Variants in SCUBE1 observed in about 807,000 individuals in gnomAD.
SCUBE1 encodes signal peptide, CUB domain and EGF like domain containing 1.
In SCUBE1, 59 loss-of-function variants were observed where a neutral mutation model predicts 124.4. That is an observed-to-expected ratio of 0.47 (90% CI 0.38 to 0.59). The LOEUF (loss-of-function observed/expected upper bound fraction) is 0.59, where lower values mean the gene tolerates loss of function less well. Among genes scored for constraint, SCUBE1 ranks in the 20% least tolerant of loss-of-function variants. The pLI is 0.00. For synonymous variants in SCUBE1, 545 were observed against 550.9 expected (o/e 0.99, Z 0.15); for missense variants, 1,150 against 1,371.2 (o/e 0.84, Z 2.55).
chr22:43,339,640 C>G lies in SCUBE1; in HGVS notation c.89-405G>C, dbSNP rs1211272798. ...CCCCTACTCTCCTTACTCTATCCCC[C>G]CACAAGCATCACTCCAGCCCTCCCC... On this transcript the variant is annotated intron_variant, in intron 1 of 21. Transcript: ENST00000360835. 2.2e-5 allele frequency among the ~76,000 whole-genome samples: 3 copies of G among 135,970 alleles called. No homozygotes were observed. The East Asian group carries it at 6.4e-4, about 29-fold the overall frequency. The allele number at this position is 135,970 out of a possible 152,430, so 89.2% of individuals were successfully genotyped here.
chr22:43,338,564 C>T (rs559418447), intron 2 of SCUBE1, among the ~76,000 whole-genome samples: 5 of 152,132 alleles, frequency 3.3e-5, no homozygotes, highest in South Asian at 4.1e-4. Flanking sequence ...CTTGCTCTGT[C>T]GCCCAAGCTG....
At chr22:43,311,586 A>T (rs867783553) in intron 3 of SCUBE1, among the ~76,000 whole-genome samples, 6 of 143,502 alleles carry the variant, frequency 4.2e-5, no homozygotes, top group Non-Finnish European at 7.7e-5. Flanking sequence ...AAATCTGGCT[A>T]TTTTTTTTTT....
At chr22:43,264,728 G>A (rs942435377) in intron 4 of SCUBE1, among the ~76,000 whole-genome samples, 1 of 152,296 alleles carries the variant, frequency 6.6e-6, no homozygotes, top group Non-Finnish European at 1.5e-5. Context: ...CACACTCCAC[G>A]GTTCGCCATC....
Position 43,201,756 on chromosome 22 carries a change from T to C in SCUBE1, c.*2241A>G, listed in dbSNP as rs985716126. On this transcript the variant is annotated 3_prime_UTR_variant, in exon 22 of 22. Coordinates refer to ENST00000360835, the MANE Select transcript of SCUBE1 (RefSeq NM_173050.5). ...TCCAGAATCTGTGAGCCAGTTCCCA[T>C]AATGCAGCCCCTCACACATCTACGT... The C allele has an allele frequency of 2.0e-5, 3 of 152,182 alleles. No homozygotes were observed. Among genetic ancestry groups the C allele is most frequent in the African/African-American group, 7.2e-5 (3 of 41,428 alleles). 9.4% of individuals were successfully genotyped at this position (152,182 alleles called of 1,614,324 possible). A position where few individuals can be genotyped will look rare whatever the true frequency, so the allele number is the denominator to read the frequency against.
At chr22:43,321,221 C>T (rs1307479545) in intron 2 of SCUBE1, among the ~76,000 whole-genome samples, 1 of 152,218 alleles carries the variant, frequency 6.6e-6, no homozygotes, top group Non-Finnish European at 1.5e-5. Flanking sequence ...GGCTGGGTTC[C>T]AGCTACGAAA....
chr22:43,293,743 T>C (rs891651053), intron 3 of SCUBE1, among the ~76,000 whole-genome samples: 3 of 152,244 alleles, frequency 2.0e-5, no homozygotes, highest in Non-Finnish European at 4.4e-5. Context: ...CTTCTCATGG[T>C]TCTCAGATTC....
rs1340401031 is a variant in SCUBE1, at chr22:43,201,264, A to C, written c.*2733T>G. 2.3e-5 allele frequency: 3 copies of C among 132,134 alleles called. No homozygotes were observed. The highest frequency in any genetic ancestry group is 8.5e-5 in the African/African-American group (3 of 35,266). 8.2% of individuals were successfully genotyped at this position (132,134 alleles called of 1,614,324 possible). A position where few individuals can be genotyped will look rare whatever the true frequency, so the allele number is the denominator to read the frequency against. ...GCTTGCAGTGAACCAAGATCGCGCC[A>C]CTGCACTCCAGCCTGGGTGACAGAG... On this transcript the variant is annotated 3_prime_UTR_variant, in exon 22 of 22. Transcript: ENST00000360835.
rs2085720599 is a variant in SCUBE1, at chr22:43,255,878, T to G, written c.727+2341A>C. 1.3e-5 allele frequency among the ~76,000 whole-genome samples: 2 copies of G among 149,292 alleles called. No homozygotes were observed. The highest frequency in any genetic ancestry group is 3.4e-3 in the Middle Eastern group (1 of 294). ...TGGGCAAGCAAACAGAGAAGGAGGC[T>G]GAGGTCAGGGCAGACGGGATTCGTC... is the stretch of plus-strand genomic sequence containing the variant. On this transcript the variant is annotated intron_variant, in intron 6 of 21. Transcript: ENST00000360835. The surrounding 1 kb of genome is among the most constrained non-coding windows in gnomAD (Gnocchi z 4.7).
rs559488230 is a variant in SCUBE1, at chr22:43,291,380, C to T, written c.350-200G>A. On this transcript the variant is annotated intron_variant, in intron 3 of 21. Coordinates refer to ENST00000360835, the MANE Select transcript of SCUBE1 (RefSeq NM_173050.5). ...GGCCCTGCACCATGGTGGCACTCTA[C>T]AGTGGGCCTCCATTGTGCTGTGCCA... 2.6e-5 allele frequency among the ~76,000 whole-genome samples: 4 copies of T among 152,214 alleles called. No homozygotes were observed. In the South Asian group the frequency reaches 8.3e-4, roughly 32 times the overall value.
chr22:43,198,132 T>C lies in SCUBE1; in HGVS notation c.*5865A>G, dbSNP rs138974. ...AATGGTCTTAACCCCACCATCTACA[T>C]GGGGCTGGGGGGATGGAATGTGTGG... is the stretch of plus-strand genomic sequence containing the variant. On this transcript the variant is annotated 3_prime_UTR_variant, in exon 22 of 22. Transcript: ENST00000360835. 118,620 of 184,748 alleles carry C rather than the reference T, an allele frequency of 0.64. 39,640 individuals are homozygous for C. The highest frequency in any genetic ancestry group is 0.74 in the Middle Eastern group (311 of 418). 11.4% of individuals were successfully genotyped at this position (184,748 alleles called of 1,614,324 possible). A position where few individuals can be genotyped will look rare whatever the true frequency, so the allele number is the denominator to read the frequency against.
intron 2 of SCUBE1, among the ~76,000 whole-genome samples, chr22:43,327,681 G>A (rs1926771934): frequency 6.6e-6 from 1 of 152,082 alleles, no homozygotes; most frequent in Non-Finnish European, 1.5e-5. Context: ...CAGCTACTCG[G>A]GAGGCTGAGG....
chr22:43,209,778 G>T lies in SCUBE1; in HGVS notation c.2581+265C>A, dbSNP rs534669590. ...GGGCCCGGCTCGTGGCCGGAGTTGA[G>T]ACCAGGCCTGACCATGTCCCAGCAT... On this transcript the variant is annotated intron_variant, in intron 19 of 21. Coordinates refer to ENST00000360835, the MANE Select transcript of SCUBE1 (RefSeq NM_173050.5). Among the ~76,000 whole-genome samples, 161 of 152,336 alleles carry T rather than the reference G, an allele frequency of 1.1e-3. No individual in the cohort carries two copies. In the Middle Eastern group the frequency reaches 0.044, roughly 42 times the overall value.
intron 7 of SCUBE1, among the ~76,000 whole-genome samples, chr22:43,236,359 G>A (rs1922761893): frequency 6.6e-6 from 1 of 152,218 alleles, no homozygotes; most frequent in Admixed American, 6.5e-5. Context: ...GGGCATCTAT[G>A]GACATGTCTA....
intron 7 of SCUBE1, 166 bp from the exon 8 acceptor site, chr22:43,232,041 C>A (rs1922576574): frequency 1.4e-6 from 1 of 720,636 alleles, no homozygotes; most frequent in Non-Finnish European, 2.3e-6. Flanking sequence ...GGGTGGGGGC[C>A]CTGTCTCGCA....
intron 2 of SCUBE1, among the ~76,000 whole-genome samples, chr22:43,338,002 C>G (rs1569037031): frequency 1.3e-5 from 2 of 152,194 alleles, no homozygotes; most frequent in African/African-American, 4.8e-5. Context: ...CTTCTCCTGT[C>G]TGAGCCTCAG....
intron 4 of SCUBE1, among the ~76,000 whole-genome samples, chr22:43,278,100 T>C (rs552937841): frequency 6.6e-6 from 1 of 152,384 alleles, no homozygotes; most frequent in Non-Finnish European, 1.5e-5. Flanking sequence ...GAGTTGTTTA[T>C]GGAGTGGGAG....
chr22:43,240,824 C>A (rs1019213448), intron 6 of SCUBE1, among the ~76,000 whole-genome samples: 1 of 152,188 alleles, frequency 6.6e-6, no homozygotes, highest in Non-Finnish European at 1.5e-5. Context: ...AGCCAATGTG[C>A]TCCCCTCCTG....
In SCUBE1 at chr22:43,292,556, AACACACAC is replaced by A. The variant is rs3985926; in HGVS notation, c.350-1384_350-1377del. ...TGCTTCTAGCCAATCCCCGGTCCCT[AACACACAC>A]ACACACACACACACACACACACACA... On this transcript the variant is annotated intron_variant, in intron 3 of 21. Transcript: ENST00000360835. Among the ~76,000 whole-genome samples, 101 of 139,676 alleles carry A rather than the reference AACACACAC, an allele frequency of 7.2e-4. 1 individual carries two copies. The highest frequency in any genetic ancestry group is 7.3e-3 in the Middle Eastern group (2 of 274). 91.6% of individuals were successfully genotyped at this position (139,676 alleles called of 152,430 possible). A position where few individuals can be genotyped will look rare whatever the true frequency, so the allele number is the denominator to read the frequency against.
chr22:43,199,143 T>C lies in SCUBE1; in HGVS notation c.*4854A>G, dbSNP rs141012042. ...TGTGCAGGGCACCAACTCCCTGTCT[T>C]TCTAGGAGCCTGGCACACAGGAGGT... On this transcript the variant is annotated 3_prime_UTR_variant, in exon 22 of 22. Coordinates refer to ENST00000360835, the MANE Select transcript of SCUBE1 (RefSeq NM_173050.5). 4.4e-6 allele frequency: 1 copy of C among 228,578 alleles called. No individual in the cohort carries two copies. Among genetic ancestry groups the C allele is most frequent in the Non-Finnish European group, 8.5e-6 (1 of 117,134 alleles). 14.2% of individuals were successfully genotyped at this position (228,578 alleles called of 1,614,324 possible).
Sources: gnomAD v4.1 joint callset for allele counts (sites outside exome capture counted in the v4.1 genomes callset) on GRCh38, gnomAD v4.1.1 for gene constraint, Gnocchi (gnomAD v3.1) non-coding constraint, MANE v1.5 for transcripts, NCBI Gene and HGNC (gene_info 2026-07-23, HGNC 2026-07-21) for gene names.